CALCOCO1: variants seen among roughly 807,000 people sequenced by gnomAD.
CALCOCO1 encodes calcium-binding and coiled-coil domain-containing protein 1.
Under a neutral mutation model 86.3 loss-of-function variants are expected in CALCOCO1, and 44 were observed. The observed-to-expected ratio is 0.51, with a 90% confidence interval of 0.40 to 0.66. The LOEUF (loss-of-function observed/expected upper bound fraction) is 0.66, where lower values mean the gene tolerates loss of function less well. Among genes scored for constraint, CALCOCO1 ranks in the 30% least tolerant of loss-of-function variants. The pLI is 0.00. For synonymous variants in CALCOCO1, 297 were observed against 327.6 expected (o/e 0.91, Z 1.01); for missense variants, 708 against 851.1 (o/e 0.83, Z 2.09).
intron 5 of CALCOCO1, 92 bp downstream of exon 5, chr12:53,721,933 C>T (rs1468694166): frequency 6.9e-7 from 1 of 1,455,250 alleles, no homozygotes; most frequent in Admixed American, 1.7e-5. Flanking sequence ...TAAAAGCCCA[C>T]TAACATCTCT....
chr12:53,716,321 T>G lies in CALCOCO1; in HGVS notation c.944A>C (p.Gln315Pro), dbSNP rs749295378. 10 of 1,614,254 alleles carry G rather than the reference T, an allele frequency of 6.2e-6. No homozygotes were observed. Among genetic ancestry groups the G allele is most frequent in the Non-Finnish European group, 8.5e-6 (10 of 1,180,044 alleles). Residue 315 changes from glutamine (Q) to proline (P), a missense_variant, in exon 8 of 15, where the codon CAG becomes CCG. Gln to Pro is a moderately conservative substitution (Grantham distance 76). Coordinates refer to ENST00000550804, the MANE Select transcript of CALCOCO1 (RefSeq NM_020898.3). ...SWQEEQSAQAQRLKDKVAQMK... is the reference protein window; with the variant it reads ...SWQEEQSAQAPRLKDKVAQMK... ...CTGGGCCACCTTGTCTTTCAGTCGC[T>G]GAGCCTGAGCACTCTGCTCCTCTTG... is the stretch of plus-strand genomic sequence containing the variant.
At chr12:53,717,858 T>C (rs1468923345) in intron 7 of CALCOCO1, among the ~76,000 whole-genome samples, 6 of 152,106 alleles carry the variant, frequency 3.9e-5, no homozygotes, top group African/African-American at 1.4e-4. Context: ...ACCCCATCTC[T>C]ACTAAAAATA....
intron 4 of CALCOCO1, chr12:53,722,906 T>C (rs1463779051): frequency 5.0e-6 from 2 of 400,104 alleles, no homozygotes; most frequent in South Asian, 1.7e-5. Context: ...TTACGTGAGA[T>C]ATAAACATCT....
rs370289814 is a variant in CALCOCO1, at chr12:53,711,597, T to C, written c.*347A>G. The C allele has an allele frequency of 7.6e-5, 22 of 288,236 alleles. No homozygotes were observed. The South Asian group carries it at 9.8e-4, about 13-fold the overall frequency. 17.9% of individuals were successfully genotyped at this position (288,236 alleles called of 1,614,324 possible). ...TCAGACAAGGGAGTGTGAGTGTGAG[T>C]GTGTGTGTGCAGTGGCTGTGTATCA... On this transcript the variant is annotated 3_prime_UTR_variant, in exon 15 of 15. Coordinates refer to ENST00000550804, the MANE Select transcript of CALCOCO1 (RefSeq NM_020898.3).
chr12:53,715,239 C>T lies in CALCOCO1; in HGVS notation c.1347G>A (p.Val449=), dbSNP rs1945691461. 6.2e-7 allele frequency: 1 copy of T among 1,614,050 alleles called. No homozygotes were observed. Among genetic ancestry groups the T allele is most frequent in the Admixed American group, 1.7e-5 (1 of 60,002 alleles). The change falls in exon 10 of 15, where the codon GTG becomes GTA. Residue 449 remains valine, a synonymous_variant. Transcript: ENST00000550804. ...AVQEERTQNQ[V]FKTELAREKD... Reference sequence around the variant, plus strand: ...TCTCCCGGGCCAGCTCAGTCTTGAACACTTGGTTTTGGGTCCTCTCCTCCT... The same window carrying T: ...TCTCCCGGGCCAGCTCAGTCTTGAATACTTGGTTTTGGGTCCTCTCCTCCT...
chr12:53,715,377 A>G, intron 9 of CALCOCO1, 52 bp from the exon 10 acceptor site: 1 of 1,609,778 alleles, frequency 6.2e-7, no homozygotes, highest in Non-Finnish European at 8.5e-7. Context: ...AAGAAAAAGG[A>G]ACGCCACTGT....
In CALCOCO1 at chr12:53,711,133, T is replaced by C. The variant is rs1945539097; in HGVS notation, c.*811A>G. ...ACAACAGTCATACATATCATATAAATATATTTGTTCAAACTACAAAGGGAT... is the reference window on the plus strand; with the variant it reads ...ACAACAGTCATACATATCATATAAACATATTTGTTCAAACTACAAAGGGAT... On this transcript the variant is annotated 3_prime_UTR_variant, in exon 15 of 15. Coordinates refer to ENST00000550804, the MANE Select transcript of CALCOCO1 (RefSeq NM_020898.3). 3 of 397,444 alleles carry C rather than the reference T, an allele frequency of 7.5e-6. No individual in the cohort carries two copies. Among genetic ancestry groups the C allele is most frequent in the Non-Finnish European group, 8.9e-6 (2 of 225,186 alleles). 24.6% of individuals were successfully genotyped at this position (397,444 alleles called of 1,614,324 possible).
At chr12:53,721,644 G>C in intron 5 of CALCOCO1, 29 bp from the exon 6 acceptor site, 1 of 1,613,836 alleles carries the variant, frequency 6.2e-7, no homozygotes, top group Non-Finnish European at 8.5e-7. Context: ...CAGAAGAAAA[G>C]GGAGGTTGGG....
At position 53,715,220 on chromosome 12, in the gene CALCOCO1, G is replaced by C. The variant is rs372812036; in HGVS notation, c.1366C>G (p.Arg456Gly). 1 of 1,613,946 alleles carries C rather than the reference G, an allele frequency of 6.2e-7. No individual in the cohort carries two copies. ...QNQVFKTELA[R>G]EKDSSLVQLS... ...CTCACCAGGCTAGAATCCTTCTCCC[G>C]GGCCAGCTCAGTCTTGAACACTTGG... The change falls in exon 10 of 15, where the codon CGG becomes GGG. Residue 456 changes from arginine (R) to glycine (G), a missense_variant. Coordinates refer to ENST00000550804, the MANE Select transcript of CALCOCO1 (RefSeq NM_020898.3).
chr12:53,712,879 A>G (rs1214215134), intron 14 of CALCOCO1: 15 of 1,471,116 alleles, frequency 1.0e-5, no homozygotes, highest in Admixed American at 2.0e-5. Context: ...TAAAGGCAGG[A>G]CCTCTGAGTG....
At chr12:53,720,207 C>T in intron 6 of CALCOCO1, among the ~76,000 whole-genome samples, 1 of 151,890 alleles carries the variant, frequency 6.6e-6, no homozygotes, top group Non-Finnish European at 1.5e-5. Flanking sequence ...TGTAAAGGGC[C>T]TGATAGTAAA....
intron 1 of CALCOCO1, chr12:53,726,317 T>C (rs1385109015): frequency 6.6e-6 from 1 of 152,212 alleles, no homozygotes; most frequent in African/African-American, 2.4e-5. Context: ...TCTGTTTGTA[T>C]TGGTAGCTGG....
chr12:53,715,096 T>A (rs1189781191), intron 10 of CALCOCO1, 104 bp downstream of exon 10: 2 of 1,367,740 alleles, frequency 1.5e-6, no homozygotes, highest in Admixed American at 4.8e-5. Flanking sequence ...CCCAACATGG[T>A]AGTGGACACC....
Position 53,715,649 on chromosome 12 carries a change from C to T in CALCOCO1, c.1260+144G>A. ...GTCATGCCTAGAAAGTAAAGTGTAC[C>T]TCCCTCAAAGCCCCTCTCCACCCAA... On this transcript the variant is annotated intron_variant, in intron 9 of 14. Transcript: ENST00000550804. The T allele has an allele frequency of 2.7e-6, 3 of 1,102,510 alleles. No individual in the cohort carries two copies. In the South Asian group the frequency reaches 4.6e-5, roughly 17 times the overall value. 68.3% of individuals were successfully genotyped at this position (1,102,510 alleles called of 1,614,324 possible).
At chr12:53,722,398 T>G (rs1945898920) in intron 4 of CALCOCO1, among the ~76,000 whole-genome samples, 2 of 152,150 alleles carry the variant, frequency 1.3e-5, no homozygotes, top group South Asian at 4.1e-4. Flanking sequence ...CCATCTCTCT[T>G]ACCCCTCCCC....
intron 3 of CALCOCO1, 50 bp downstream of exon 3, chr12:53,724,595 A>C: frequency 7.1e-7 from 1 of 1,407,506 alleles, no homozygotes; most frequent in Non-Finnish European, 1.0e-6. Flanking sequence ...CTTCTTTCAA[A>C]CCTCCACTCC....
intron 13 of CALCOCO1, 33 bp downstream of exon 13, chr12:53,713,668 T>C: frequency 6.7e-7 from 1 of 1,487,618 alleles, no homozygotes. Flanking sequence ...TGCCCCTCCT[T>C]ACTGCTTCTG....
chr12:53,711,787 T>G lies in CALCOCO1; in HGVS notation c.*157A>C. 2 of 606,234 alleles carry G rather than the reference T, an allele frequency of 3.3e-6. No homozygotes were observed. Among genetic ancestry groups the G allele is most frequent in the South Asian group, 3.8e-5 (1 of 26,112 alleles). 37.6% of individuals were successfully genotyped at this position (606,234 alleles called of 1,614,324 possible). A position where few individuals can be genotyped will look rare whatever the true frequency, so the allele number is the denominator to read the frequency against. On this transcript the variant is annotated 3_prime_UTR_variant, in exon 15 of 15. Transcript: ENST00000550804. ...AGGTAGGAGAGGATGAAGTGAGAAATCTTGGGATGAAAACAGGGCACACAG... is the reference window on the plus strand; with the variant it reads ...AGGTAGGAGAGGATGAAGTGAGAAAGCTTGGGATGAAAACAGGGCACACAG...
At chr12:53,724,851 G>T in intron 2 of CALCOCO1, 104 bp from the exon 3 acceptor site, 2 of 933,898 alleles carry the variant, frequency 2.1e-6, no homozygotes, top group Non-Finnish European at 3.2e-6. Context: ...TGGAGCTACA[G>T]TGGCAACAAT....
Sources: gnomAD v4.1 joint callset for allele counts (sites outside exome capture counted in the v4.1 genomes callset) on GRCh38, gnomAD v4.1.1 for gene constraint, MANE v1.5 for transcripts, NCBI Gene and HGNC (gene_info 2026-07-23, HGNC 2026-07-21) for gene names.